The following COL11A1 variants were observed in gnomAD, a reference collection of about 807,000 sequenced individuals.
COL11A1 encodes the protein collagen type XI alpha 1 chain.
COL11A1 carries 74 observed loss-of-function variants against 265.2 expected under a neutral mutation model. The observed-to-expected ratio is 0.28, with a 90% CI of 0.23 to 0.34. COL11A1 has a LOEUF of 0.34. COL11A1 is among the 10% of genes least tolerant of loss of function. The probability of loss-of-function intolerance (pLI) is 1.00; values close to 1 mark genes in which losing one functional copy is unlikely to be tolerated. For synonymous variants in COL11A1, 816 were observed against 727.6 expected (o/e 1.12, Z -1.96); for missense variants, 2,165 against 2,263.6 (o/e 0.96, Z 0.88).
In COL11A1 at chr1:102,970,123, A is replaced by G. The variant is rs373918410; in HGVS notation, c.2862+96T>C. On this transcript the variant is annotated intron_variant, in intron 37 of 66. Transcript: ENST00000370096. Reference sequence around the variant, plus strand: ...TTAATTTTTCCATTTTTCTCAACCTAGTAATTGAAATGTTCATAATAAAGT... The same window carrying G: ...TTAATTTTTCCATTTTTCTCAACCTGGTAATTGAAATGTTCATAATAAAGT... 8.4e-5 allele frequency: 72 copies of G among 861,776 alleles called. 1 individual carries two copies. The East Asian group carries it at 1.7e-3, about 20-fold the overall frequency. The allele number at this position is 861,776 out of a possible 1,614,324, so 53.4% of individuals were successfully genotyped here. A position where few individuals can be genotyped will look rare whatever the true frequency, so the allele number is the denominator to read the frequency against.
intron 4 of COL11A1, among the ~76,000 whole-genome samples, chr1:103,061,791 A>C (rs1304445817): frequency 1.3e-5 from 2 of 152,004 alleles, no homozygotes; most frequent in Non-Finnish European, 2.9e-5. Flanking sequence ...GAATCTAAAC[A>C]AAAAAGAGGA....
intron 41 of COL11A1, among the ~76,000 whole-genome samples, chr1:102,950,610 C>T (rs1292252161): frequency 1.3e-5 from 2 of 152,102 alleles, no homozygotes; most frequent in African/African-American, 4.8e-5. Context: ...TTACATCTCT[C>T]ACTGTCTCTC....
At chr1:103,058,463 A>G (rs1470083189) in intron 4 of COL11A1, among the ~76,000 whole-genome samples, 2 of 152,148 alleles carry the variant, frequency 1.3e-5, no homozygotes, top group Non-Finnish European at 2.9e-5. Flanking sequence ...CTTTGCATTC[A>G]TAACTCTTGG....
intron 4 of COL11A1, among the ~76,000 whole-genome samples, chr1:103,039,749 T>C (rs190023102): frequency 0.11 from 16,205 of 152,138 alleles, 1,051 homozygotes; most frequent in Non-Finnish European, 0.14. Flanking sequence ...CTAGGGTTTT[T>C]TTTTTATTCG....
At chr1:102,993,071 T>C (rs34542642) in intron 28 of COL11A1, among the ~76,000 whole-genome samples, 3,675 of 152,230 alleles carry the variant, frequency 0.024, 62 homozygotes, top group Middle Eastern at 0.092. Flanking sequence ...TTTCAGCAGT[T>C]AACAACATCC....
intron 1 of COL11A1, among the ~76,000 whole-genome samples, chr1:103,084,829 T>C (rs1389535338): frequency 1.3e-5 from 2 of 152,182 alleles, no homozygotes; most frequent in African/African-American, 2.4e-5. Flanking sequence ...TGAAACCAAT[T>C]TGACCATAGG....
chr1:103,015,311 T>C (rs1313479703), intron 12 of COL11A1, among the ~76,000 whole-genome samples: 2 of 151,928 alleles, frequency 1.3e-5, no homozygotes, highest in Non-Finnish European at 2.9e-5. Flanking sequence ...TACAAATAAA[T>C]ACTATTTATG....
At chr1:103,091,282 A>T (rs1330799430) in intron 1 of COL11A1, among the ~76,000 whole-genome samples, 1 of 152,086 alleles carries the variant, frequency 6.6e-6, no homozygotes, top group Non-Finnish European at 1.5e-5. Context: ...CCAACCATGA[A>T]TTATATATGA....
Position 102,914,717 on chromosome 1 carries a change from G to C in COL11A1, c.3911C>G (p.Pro1304Arg), listed in dbSNP as rs1416828428. Reference sequence around the variant, plus strand: ...AAACTCACTTACCGGGTTACCCTTAGGGCCATCATCACCTGGTGGCCCCTT... The same window carrying C: ...AAACTCACTTACCGGGTTACCCTTACGGCCATCATCACCTGGTGGCCCCTT... ...GAKGPPGDDGPKGNPGPVGFP... is the reference protein window; with the variant it reads ...GAKGPPGDDGRKGNPGPVGFP... Residue 1304 changes from proline to arginine, a missense_variant, in exon 51 of 67, where the codon CCT (proline) becomes CGT (arginine). Physicochemically the swap from Pro to Arg is moderately radical, Grantham distance 103. Transcript: ENST00000370096. 3 of 1,612,818 alleles carry C rather than the reference G, an allele frequency of 1.9e-6. No individual in the cohort carries two copies. The highest frequency in any genetic ancestry group is 2.7e-5 in the African/African-American group (2 of 74,852).
intron 55 of COL11A1, 31 bp from the exon 56 acceptor site, chr1:102,898,804 A>C: frequency 6.3e-7 from 1 of 1,583,108 alleles, no homozygotes; most frequent in South Asian, 1.1e-5. Flanking sequence ...GGAGCACATT[A>C]GTGATGAGAA....
At position 102,877,852 on chromosome 1, in the gene COL11A1, G is replaced by T; in HGVS notation, c.*167C>A. The T allele has an allele frequency of 3.2e-6, 2 of 628,244 alleles. No individual in the cohort carries two copies. The allele number at this position is 628,244 out of a possible 1,614,324, so 38.9% of individuals were successfully genotyped here. On this transcript the variant is annotated 3_prime_UTR_variant, in exon 67 of 67. Transcript: ENST00000370096. ...TATCTTTATGATTTTCAAAGCTTTT[G>T]CCATGTGATTCTGCCCCCACAAAGG...
intron 4 of COL11A1, among the ~76,000 whole-genome samples, chr1:103,058,126 T>C (rs1282503877): frequency 6.6e-6 from 1 of 152,236 alleles, no homozygotes; most frequent in Non-Finnish European, 1.5e-5. Flanking sequence ...TTCTGGATAA[T>C]TGTCTACAGC....
chr1:103,003,113 A>T (rs889970194), intron 21 of COL11A1, 102 bp downstream of exon 21: 2 of 1,138,738 alleles, frequency 1.8e-6, no homozygotes, highest in African/African-American at 1.5e-5. Flanking sequence ...AAACATAACA[A>T]GGCAATAAAC....
chr1:102,910,329 T>C (rs1399231633), intron 54 of COL11A1, among the ~76,000 whole-genome samples: 2 of 152,070 alleles, frequency 1.3e-5, no homozygotes, highest in African/African-American at 2.4e-5. Flanking sequence ...AGATACTTCA[T>C]CTCAAATATC....
At chr1:102,905,338 G>C (rs968065076) in intron 54 of COL11A1, among the ~76,000 whole-genome samples, 6 of 149,348 alleles carry the variant, frequency 4.0e-5, no homozygotes, top group African/African-American at 1.2e-4. Flanking sequence ...CAAACCTACA[G>C]GTTGTGCACA....
chr1:103,001,535 A>G (rs1028857230), intron 24 of COL11A1: 1 of 451,850 alleles, frequency 2.2e-6, no homozygotes, highest in South Asian at 6.4e-5. Context: ...GGCAATGACA[A>G]CTTCACAACT....
chr1:102,937,057 A>G (rs1658221293), intron 44 of COL11A1, among the ~76,000 whole-genome samples: 1 of 152,320 alleles, frequency 6.6e-6, no homozygotes, highest in African/African-American at 2.4e-5. Context: ...TTGGGACTAT[A>G]TATTTTTATT....
At chr1:103,101,721 A>G (rs1388552326) in intron 1 of COL11A1, among the ~76,000 whole-genome samples, 1 of 151,926 alleles carries the variant, frequency 6.6e-6, no homozygotes, top group Non-Finnish European at 1.5e-5. Context: ...TGGTTAAAAT[A>G]AGAAAGAAAT....
chr1:102,962,525 G>T, intron 39 of COL11A1, 128 bp downstream of exon 39: 1 of 867,064 alleles, frequency 1.2e-6, no homozygotes, highest in South Asian at 1.4e-5. Flanking sequence ...TACAATAAAC[G>T]CACATTAAAT....
Sources: allele counts gnomAD v4.1 joint callset (sites outside exome capture counted in the v4.1 genomes callset), GRCh38; gene constraint gnomAD v4.1.1; transcripts MANE v1.5; gene names NCBI Gene and HGNC (gene_info 2026-07-23, HGNC 2026-07-21).